Variants in HS6ST3 observed in about 807,000 individuals in gnomAD.
HS6ST3 encodes heparan sulfate 6-O-sulfotransferase 3.
In HS6ST3, 12 loss-of-function variants were observed where a neutral mutation model predicts 36.7. The observed-to-expected ratio is 0.33, with a 90% CI of 0.21 to 0.53. HS6ST3 has a LOEUF of 0.53. Among genes scored for constraint, HS6ST3 ranks in the 20% least tolerant of loss-of-function variants. HS6ST3 has a pLI of 0.95. For synonymous variants in HS6ST3, 240 were observed against 257.5 expected, an observed-to-expected ratio of 0.93 and a Z score of 0.65; for missense variants, 584 against 640.9, an observed-to-expected ratio of 0.91 and a Z score of 0.96.
intron 1 of HS6ST3, among the ~76,000 whole-genome samples, chr13:96,333,304 A>G (rs1229061568): frequency 6.6e-6 from 1 of 152,230 alleles, no homozygotes; most frequent in Non-Finnish European, 1.5e-5. Flanking sequence ...GAAAGATTCC[A>G]TGTCTATAAT....
chr13:96,374,091 A>G (rs530706785), intron 1 of HS6ST3, among the ~76,000 whole-genome samples: 1 of 152,278 alleles, frequency 6.6e-6, no homozygotes, highest in Non-Finnish European at 1.5e-5. Context: ...TCTTTCCAGA[A>G]AGAGAGTGCC....
intron 1 of HS6ST3, among the ~76,000 whole-genome samples, chr13:96,419,920 A>G (rs1235655035): frequency 6.6e-6 from 1 of 152,100 alleles, no homozygotes; most frequent in Non-Finnish European, 1.5e-5. Context: ...CAAAGACTCT[A>G]TTTCCAAATA....
intron 1 of HS6ST3, among the ~76,000 whole-genome samples, chr13:96,269,491 G>A (rs956928565): frequency 6.6e-6 from 1 of 151,962 alleles, no homozygotes; most frequent in African/African-American, 2.4e-5. Context: ...GACAAGGTGG[G>A]GGGAAGTCAT....
At chr13:96,661,926 A>G (rs1468336357) in intron 1 of HS6ST3, among the ~76,000 whole-genome samples, 3 of 152,128 alleles carry the variant, frequency 2.0e-5, no homozygotes, top group Non-Finnish European at 2.9e-5. Context: ...TAGGATGCCA[A>G]TTCCTTCTGA....
chr13:96,641,627 G>A (rs1479562221), intron 1 of HS6ST3, among the ~76,000 whole-genome samples: 3 of 151,530 alleles, frequency 2.0e-5, no homozygotes, highest in Non-Finnish European at 4.4e-5. Context: ...ATTTTCTGGT[G>A]TACCATTTTA....
intron 1 of HS6ST3, among the ~76,000 whole-genome samples, chr13:96,299,107 T>C (rs993812979): frequency 6.6e-6 from 1 of 152,194 alleles, no homozygotes; most frequent in Non-Finnish European, 1.5e-5. Flanking sequence ...TGGATTAAAC[T>C]CCTTAATTTC....
At chr13:96,384,776 G>T (rs940531227) in intron 1 of HS6ST3, among the ~76,000 whole-genome samples, 1 of 152,124 alleles carries the variant, frequency 6.6e-6, no homozygotes, top group East Asian at 1.9e-4. Flanking sequence ...CAGAGTGATT[G>T]CATCCACTTA....
chr13:96,725,492 A>G (rs1875979913), intron 1 of HS6ST3, among the ~76,000 whole-genome samples: 1 of 152,016 alleles, frequency 6.6e-6, no homozygotes, highest in Non-Finnish European at 1.5e-5. Context: ...CTACGTTTTG[A>G]GTTTTAGCTT....
At chr13:96,401,630 G>C (rs4625590) in intron 1 of HS6ST3, among the ~76,000 whole-genome samples, 38 of 151,980 alleles carry the variant, frequency 2.5e-4, no homozygotes, top group African/African-American at 8.7e-4. Context: ...GCTGGAGTAT[G>C]GTGGTGCGAT....
chr13:96,327,304 T>C, intron 1 of HS6ST3, among the ~76,000 whole-genome samples: 1 of 152,004 alleles, frequency 6.6e-6, no homozygotes, highest in Non-Finnish European at 1.5e-5. Flanking sequence ...AGGGTTTTTA[T>C]GGTTTTAGGA....
At chr13:96,273,291 T>C (rs991697258) in intron 1 of HS6ST3, among the ~76,000 whole-genome samples, 3 of 151,972 alleles carry the variant, frequency 2.0e-5, no homozygotes, top group Non-Finnish European at 4.4e-5. Context: ...ATAATTCTTA[T>C]AGTCCAGGGC....
At chr13:96,660,060 T>C (rs1374592862) in intron 1 of HS6ST3, among the ~76,000 whole-genome samples, 1 of 152,124 alleles carries the variant, frequency 6.6e-6, no homozygotes, top group Non-Finnish European at 1.5e-5. Context: ...TGTTTTTTTA[T>C]TAAGTATACT....
chr13:96,691,725 G>A (rs1271990740), intron 1 of HS6ST3, among the ~76,000 whole-genome samples: 1 of 151,784 alleles, frequency 6.6e-6, no homozygotes, highest in Admixed American at 6.6e-5. Flanking sequence ...GAGAAAAGGT[G>A]TCAAAGATAA....
At chr13:96,125,165 CA>C (rs1179833163) in intron 1 of HS6ST3, among the ~76,000 whole-genome samples, 1 of 152,016 alleles carries the variant, frequency 6.6e-6, no homozygotes, top group Non-Finnish European at 1.5e-5. Context: ...TTAAAACCAC[CA>C]AATTGCCGTT....
chr13:96,530,505 CTTTT>C (rs113518179), intron 1 of HS6ST3, among the ~76,000 whole-genome samples: 1 of 142,586 alleles, frequency 7.0e-6, no homozygotes, highest in Non-Finnish European at 1.5e-5. Flanking sequence ...TTTTCTTTCC[CTTTT>C]TTTTTTTTTT....
chr13:96,701,898 G>A (rs114013132), intron 1 of HS6ST3, among the ~76,000 whole-genome samples: 2,275 of 152,284 alleles, frequency 0.015, 55 homozygotes, highest in African/African-American at 0.051. Context: ...GGAGGTGGAG[G>A]CTGCAGTGAG....
chr13:96,689,121 C>T (rs532396269), intron 1 of HS6ST3, among the ~76,000 whole-genome samples: 2 of 152,182 alleles, frequency 1.3e-5, no homozygotes, highest in South Asian at 4.1e-4. Flanking sequence ...TTAGTTTCCT[C>T]TTCTGTAAAA....
intron 1 of HS6ST3, among the ~76,000 whole-genome samples, chr13:96,765,286 G>A (rs7317478): frequency 0.28 from 42,750 of 151,334 alleles, 6,183 homozygotes; most frequent in Admixed American, 0.33. Flanking sequence ...GTTAGCCAGG[G>A]TGGTCTCGAT....
chr13:96,704,979 G>A (rs1162618710), intron 1 of HS6ST3, among the ~76,000 whole-genome samples: 1 of 152,146 alleles, frequency 6.6e-6, no homozygotes, highest in East Asian at 1.9e-4. Context: ...CTTTAGAGCA[G>A]TTTTAGGTTC....
Sources: gnomAD v4.1 joint callset for allele counts (sites outside exome capture counted in the v4.1 genomes callset) on GRCh38, gnomAD v4.1.1 for gene constraint, MANE v1.5 for transcripts, NCBI Gene and HGNC (gene_info 2026-07-23, HGNC 2026-07-21) for gene names.